MARCHF1: variants seen among roughly 807,000 people sequenced by gnomAD.
MARCHF1 encodes membrane associated ring-CH-type finger 1.
A neutral mutation model predicts 54.2 loss-of-function variants in MARCHF1; 40 were observed. That is an observed-to-expected ratio of 0.74 (90% CI 0.57 to 0.96). The LOEUF (loss-of-function observed/expected upper bound fraction) is 0.96. MARCHF1 is among the 40% of genes least tolerant of loss of function. The pLI, the probability that MARCHF1 is intolerant of heterozygous loss-of-function variation, is 0.00. For missense variants in MARCHF1, 586 were observed against 656.5 expected, an observed-to-expected ratio of 0.89 and a Z score of 1.17; for synonymous variants, 236 against 236.3, an observed-to-expected ratio of 1.00 and a Z score of 0.01.
chr4:163,887,029 T>G (rs546178949), intron 3 of MARCHF1, among the ~76,000 whole-genome samples: 2 of 152,256 alleles, frequency 1.3e-5, no homozygotes, highest in South Asian at 2.1e-4. Context: ...TTCACTTGTG[T>G]TTTTGTAAGC....
intron 3 of MARCHF1, among the ~76,000 whole-genome samples, chr4:163,881,075 A>T (rs1448704924): frequency 6.6e-6 from 1 of 152,232 alleles, no homozygotes; most frequent in African/African-American, 2.4e-5. Context: ...GAGAAAAGAC[A>T]TGGGAGCTGG....
At chr4:164,303,457 G>C (rs886458981) in intron 1 of MARCHF1, among the ~76,000 whole-genome samples, 1 of 152,172 alleles carries the variant, frequency 6.6e-6, no homozygotes, top group Non-Finnish European at 1.5e-5. Flanking sequence ...ACTTTTCGGA[G>C]CTTAGTTTCC....
intron 9 of MARCHF1, among the ~76,000 whole-genome samples, chr4:163,541,514 T>TA (rs1286313785): frequency 6.6e-6 from 1 of 152,158 alleles, no homozygotes; most frequent in Non-Finnish European, 1.5e-5. Flanking sequence ...CCAAGTACCA[T>TA]ATATTTGCTA....
At chr4:163,877,313 G>A (rs749516083) in intron 3 of MARCHF1, among the ~76,000 whole-genome samples, 3 of 152,070 alleles carry the variant, frequency 2.0e-5, no homozygotes, top group Non-Finnish European at 4.4e-5. Context: ...TACATGTCCA[G>A]GGTTTAGTCT....
At chr4:163,579,551 AT>A (rs1291454194) in intron 8 of MARCHF1, among the ~76,000 whole-genome samples, 1 of 152,242 alleles carries the variant, frequency 6.6e-6, no homozygotes, top group African/African-American at 2.4e-5. Flanking sequence ...CCACTGGACA[AT>A]GAGAAATTTG....
chr4:163,798,981 T>A, intron 4 of MARCHF1, among the ~76,000 whole-genome samples: 1 of 152,122 alleles, frequency 6.6e-6, no homozygotes, highest in South Asian at 2.1e-4. Context: ...AGTGGTGTTG[T>A]CAGGTAGATA....
At chr4:164,087,673 C>G (rs968228587) in intron 2 of MARCHF1, among the ~76,000 whole-genome samples, 3 of 152,128 alleles carry the variant, frequency 2.0e-5, no homozygotes, top group African/African-American at 7.2e-5. Context: ...AGGTTCCCAG[C>G]TAAATACACA....
chr4:164,236,348 A>T (rs910671567), intron 1 of MARCHF1, among the ~76,000 whole-genome samples: 13 of 152,068 alleles, frequency 8.5e-5, no homozygotes, highest in African/African-American at 2.9e-4. Flanking sequence ...CTGCTGACTG[A>T]TTAACACTGA....
intron 1 of MARCHF1, among the ~76,000 whole-genome samples, chr4:164,169,732 C>G (rs1379734382): frequency 6.6e-6 from 1 of 151,950 alleles, no homozygotes; most frequent in East Asian, 1.9e-4. Flanking sequence ...GAAAATTATA[C>G]AAAATCATGA....
In MARCHF1 at chr4:163,843,624, T is replaced by C. The variant is rs1178260368; in HGVS notation, c.111+10397A>G. ...GCATGTGCCATGGTGGTTTGCTACA[T>C]CTATCAACCCATCACTTAGGTATTA... On this transcript the variant is annotated intron_variant, in intron 4 of 9. Transcript: ENST00000514618. Among the ~76,000 whole-genome samples, 4 of 151,970 alleles carry C rather than the reference T, an allele frequency of 2.6e-5. No individual in the cohort carries two copies. In the East Asian group the frequency reaches 7.7e-4, roughly 29 times the overall value.
intron 1 of MARCHF1, among the ~76,000 whole-genome samples, chr4:164,233,287 G>A (rs1732464724): frequency 6.6e-6 from 1 of 151,472 alleles, no homozygotes; most frequent in South Asian, 2.1e-4. Context: ...CTGATAATCA[G>A]ACCCTGGTCT....
At chr4:164,356,006 C>T (rs1416360932) in intron 1 of MARCHF1, among the ~76,000 whole-genome samples, 3 of 129,086 alleles carry the variant, frequency 2.3e-5, no homozygotes, top group Non-Finnish European at 3.5e-5. Context: ...CCAAAAAACA[C>T]ATGAAAAAAT....
intron 3 of MARCHF1, among the ~76,000 whole-genome samples, chr4:163,930,287 G>A (rs1751642022): frequency 6.6e-6 from 1 of 151,544 alleles, no homozygotes; most frequent in Admixed American, 6.6e-5. Context: ...TCAGAGGAGG[G>A]CACCAGAGAC....
chr4:164,274,462 A>G (rs1014959483), intron 1 of MARCHF1, among the ~76,000 whole-genome samples: 1 of 152,074 alleles, frequency 6.6e-6, no homozygotes, highest in African/African-American at 2.4e-5. Flanking sequence ...CATATGGATT[A>G]GCTAGAAAAA....
chr4:163,550,579 C>A (rs1313109650), intron 8 of MARCHF1, among the ~76,000 whole-genome samples: 1 of 150,862 alleles, frequency 6.6e-6, no homozygotes, highest in African/African-American at 2.4e-5. Context: ...TTCTTCCTGT[C>A]ATTTTGCATA....
intron 4 of MARCHF1, among the ~76,000 whole-genome samples, chr4:163,829,328 T>C (rs1040210325): frequency 1.3e-5 from 2 of 152,120 alleles, no homozygotes; most frequent in African/African-American, 4.8e-5. Flanking sequence ...TATTCTGCCA[T>C]ATAGAGACAC....
intron 5 of MARCHF1, among the ~76,000 whole-genome samples, chr4:163,670,855 TC>T (rs1347336702): frequency 6.6e-6 from 1 of 152,252 alleles, no homozygotes; most frequent in East Asian, 1.9e-4. Flanking sequence ...TTTATTTTTT[TC>T]TGAATCTTCA....
chr4:163,793,075 C>T (rs1747813617), intron 4 of MARCHF1, among the ~76,000 whole-genome samples: 1 of 152,160 alleles, frequency 6.6e-6, no homozygotes. Context: ...CGTTAAATAA[C>T]TTTCAGTTTC....
chr4:164,084,906 AT>A (rs769298493), intron 2 of MARCHF1, among the ~76,000 whole-genome samples: 4 of 151,776 alleles, frequency 2.6e-5, no homozygotes, highest in African/African-American at 7.2e-5. Flanking sequence ...AAAGCTGATG[AT>A]TTTTTTAAAA....
Sources: gnomAD v4.1 joint callset for allele counts (sites outside exome capture counted in the v4.1 genomes callset) on GRCh38, gnomAD v4.1.1 for gene constraint, MANE v1.5 for transcripts, NCBI Gene and HGNC (gene_info 2026-07-23, HGNC 2026-07-21) for gene names.